The following CEP83 variants were observed in gnomAD, a reference collection of about 807,000 sequenced individuals.
CEP83 encodes the protein centrosomal protein of 83 kDa.
In CEP83, 70 loss-of-function variants were observed where a neutral mutation model predicts 101.9. The ratio of observed to expected loss-of-function variants is 0.69; its 90% CI spans 0.57 to 0.84. CEP83 has a LOEUF of 0.84. CEP83 is among the 40% of genes least tolerant of loss of function. CEP83 has a pLI of 0.00. For missense variants in CEP83, 715 were observed against 787.2 expected, an observed-to-expected ratio of 0.91 and a Z score of 1.10; for synonymous variants, 264 against 267.9, an observed-to-expected ratio of 0.99 and a Z score of 0.14.
intron 13 of CEP83, among the ~76,000 whole-genome samples, chr12:94,333,103 T>G (rs2059304742): frequency 6.6e-6 from 1 of 150,434 alleles, no homozygotes; most frequent in South Asian, 2.1e-4. Context: ...CCAAGATAGT[T>G]CTAATTCAAG....
At chr12:94,298,559 CT>C in the CEP83 span, 3 of 1,194,116 alleles carry the variant, frequency 2.5e-6, no homozygotes, top group South Asian at 4.5e-5. Flanking sequence ...TGTGGATTTG[CT>C]TTTGCTATTA....
At chr12:94,311,972 G>A (rs1969930319) in intron 15 of CEP83, among the ~76,000 whole-genome samples, 1 of 152,156 alleles carries the variant, frequency 6.6e-6, no homozygotes, top group Non-Finnish European at 1.5e-5. Context: ...TGCTTTGGGA[G>A]GCTGAGGCAG....
intron 6 of CEP83, among the ~76,000 whole-genome samples, chr12:94,385,767 C>T (rs1464830464): frequency 1.3e-5 from 2 of 152,082 alleles, no homozygotes; most frequent in Non-Finnish European, 2.9e-5. Flanking sequence ...TGGAATGCAG[C>T]TAAGATATAG....
the CEP83 span, among the ~76,000 whole-genome samples, chr12:94,277,422 T>C: frequency 7.2e-5 from 11 of 152,100 alleles, no homozygotes; most frequent in African/African-American, 2.7e-4. Context: ...CTCCCGAAAT[T>C]TCAGAAGCCC....
intron 11 of CEP83, among the ~76,000 whole-genome samples, chr12:94,355,883 T>A (rs1168775728): frequency 6.6e-6 from 1 of 152,236 alleles, no homozygotes; most frequent in Non-Finnish European, 1.5e-5. Context: ...TAATTTAATA[T>A]CTATAGAAAC....
At position 94,309,913 on chromosome 12, in the gene CEP83, C is replaced by T; in HGVS notation, c.2001+5G>A. On this transcript the variant is annotated splice_donor_5th_base_variant and intron_variant, in intron 16 of 16. Coordinates refer to ENST00000397809, the MANE Select transcript of CEP83 (RefSeq NM_016122.3). Reference sequence around the variant, plus strand: ...TTTTTTTCCCCCTAAAATAAATGCTCATACCTGCATATGAGGAGGAAATGG... The same window carrying T: ...TTTTTTTCCCCCTAAAATAAATGCTTATACCTGCATATGAGGAGGAAATGG... The T allele has an allele frequency of 6.5e-7, 1 of 1,528,628 alleles. No individual in the cohort carries two copies. 94.7% of individuals were successfully genotyped at this position (1,528,628 alleles called of 1,614,324 possible).
At chr12:94,348,235 G>A (rs778797695) in intron 11 of CEP83, among the ~76,000 whole-genome samples, 5 of 151,908 alleles carry the variant, frequency 3.3e-5, no homozygotes, top group Non-Finnish European at 7.4e-5. Context: ...TTAAAAAAAA[G>A]AGGTCTACTT....
intron 11 of CEP83, among the ~76,000 whole-genome samples, chr12:94,339,674 T>C (rs2059597164): frequency 6.6e-6 from 1 of 152,220 alleles, no homozygotes; most frequent in Admixed American, 6.5e-5. Context: ...ATTTCTCTAC[T>C]GTCAAAGAGT....
chr12:94,303,952 ATC>A (rs1255744244), downstream of CEP83: 11 of 1,606,538 alleles, frequency 6.8e-6, no homozygotes, highest in African/African-American at 8.0e-5. Flanking sequence ...TCATTTCAGA[ATC>A]TCTCAACAAG....
chr12:94,365,574 A>G (rs1342716924), intron 11 of CEP83, among the ~76,000 whole-genome samples: 2 of 152,196 alleles, frequency 1.3e-5, no homozygotes, highest in East Asian at 3.8e-4. Context: ...GTTTGACAGC[A>G]GCCTGGCCAA....
At chr12:94,270,693 G>A in the CEP83 span, among the ~76,000 whole-genome samples, 6,201 of 151,108 alleles carry the variant, frequency 0.041, 244 homozygotes, top group Non-Finnish European at 0.057. Flanking sequence ...TGGACAAAAC[G>A]TTAGCAAATG....
downstream of CEP83, chr12:94,305,086 T>C: frequency 2.8e-6 from 2 of 723,400 alleles, no homozygotes; most frequent in Non-Finnish European, 4.8e-6. Context: ...ATCTGTTTCA[T>C]ACAGATTTTA....
the CEP83 span, among the ~76,000 whole-genome samples, chr12:94,276,312 G>A: frequency 6.6e-6 from 1 of 152,106 alleles, no homozygotes. Flanking sequence ...GAGAAATAAG[G>A]CAAGACCCCA....
chr12:94,307,099 A>AAGTATTTACTTAGATAAC, downstream of CEP83: 1 of 152,314 alleles, frequency 6.6e-6, no homozygotes, highest in African/African-American at 2.4e-5. Context: ...AGCTTTATCT[A>AAGTATTTACTTAGATAAC]AGTATTTACT....
chr12:94,277,890 C>A, the CEP83 span: 1 of 455,102 alleles, frequency 2.2e-6, no homozygotes. Context: ...GTTATTACAC[C>A]CATTTTTAAG....
the CEP83 span, among the ~76,000 whole-genome samples, chr12:94,288,867 TGA>T: frequency 6.6e-6 from 1 of 152,232 alleles, no homozygotes; most frequent in Non-Finnish European, 1.5e-5. Context: ...ATTTCAGGAA[TGA>T]GAGATTTCAA....
At chr12:94,402,799 T>C (rs1265524905) in intron 5 of CEP83, 1 of 154,154 alleles carries the variant, frequency 6.5e-6, no homozygotes, top group Non-Finnish European at 1.4e-5. Flanking sequence ...CTTGGGAGGC[T>C]GAAGCAAGAG....
At position 94,337,345 on chromosome 12, in the gene CEP83, C is replaced by A. The variant is rs2059492798; in HGVS notation, c.1344-1681G>T. Among the ~76,000 whole-genome samples the A allele has an allele frequency of 3.9e-5, 6 of 152,062 alleles. No individual in the cohort carries two copies. The South Asian group carries it at 1.2e-3, about 32-fold the overall frequency. ...CTATAGAAGATGATATACAACAAGACCTTCCTTCAGGTCATTTTGTTGAAG... is the reference window on the plus strand; with the variant it reads ...CTATAGAAGATGATATACAACAAGAACTTCCTTCAGGTCATTTTGTTGAAG... On this transcript the variant is annotated intron_variant, in intron 11 of 16. Coordinates refer to ENST00000397809, the MANE Select transcript of CEP83 (RefSeq NM_016122.3).
the CEP83 span, among the ~76,000 whole-genome samples, chr12:94,274,155 TAAAAAAAAAAAAAAAAAA>T: frequency 0.011 from 488 of 45,398 alleles, 9 homozygotes; most frequent in Middle Eastern, 0.06. Context: ...ACCCTGTCTC[TAAAAAAAAAAAAAAAAAA>T]AAAAAAAAAA....
Sources: allele counts gnomAD v4.1 joint callset (sites outside exome capture counted in the v4.1 genomes callset), GRCh38; gene constraint gnomAD v4.1.1; transcripts MANE v1.5; gene names NCBI Gene and HGNC (gene_info 2026-07-23, HGNC 2026-07-21).